Variants in HIVEP3 observed in about 807,000 individuals in gnomAD.
HIVEP3 encodes HIVEP zinc finger 3, also known as transcription factor HIVEP3.
A neutral mutation model predicts 152.8 loss-of-function variants in HIVEP3; 49 were observed. The observed-to-expected ratio is 0.32, with a 90% CI of 0.26 to 0.41. HIVEP3 has a LOEUF of 0.41. HIVEP3 is among the 10% of genes least tolerant of loss of function. HIVEP3 has a pLI of 1.00. For synonymous variants in HIVEP3, 1,269 were observed against 1,289.0 expected, an observed-to-expected ratio of 0.98 and a Z score of 0.33; for missense variants, 2,790 against 3,103.3, an observed-to-expected ratio of 0.90 and a Z score of 2.40.
chr1:41,695,675 C>T (rs528650531), intron 2 of HIVEP3, among the ~76,000 whole-genome samples: 24 of 152,288 alleles, frequency 1.6e-4, no homozygotes, highest in African/African-American at 5.3e-4. Flanking sequence ...CAGGTGAGGG[C>T]ATATGGGCTT....
At position 41,664,727 on chromosome 1, in the gene HIVEP3, GGGGGCTGGGATGAA is replaced by G. The variant is rs1645767836; in HGVS notation, c.-720-35794_-720-35781del. Among the ~76,000 whole-genome samples the G allele has an allele frequency of 6.6e-6, 1 of 152,196 alleles. No individual in the cohort carries two copies. Among genetic ancestry groups the G allele is most frequent in the Non-Finnish European group, 1.5e-5 (1 of 68,028 alleles). On this transcript the variant is annotated intron_variant, in intron 2 of 8. Transcript: ENST00000372583. This position sits in a 1 kb window ranked among gnomAD's most constrained non-coding sequence, Gnocchi z 4.4. ...GGCTGATGTCCTAGGGTCCCTGGCT[GGGGGCTGGGATGAA>G]AGGCGGGGTTCTCAGCTAGACTGGC...
intron 2 of HIVEP3, among the ~76,000 whole-genome samples, chr1:41,660,086 G>T (rs1310943440): frequency 6.6e-6 from 1 of 152,204 alleles, no homozygotes; most frequent in African/African-American, 2.4e-5. Flanking sequence ...GAACAGGATG[G>T]CATGTGTGAG....
At chr1:41,655,994 G>A (rs1264659804) in intron 2 of HIVEP3, among the ~76,000 whole-genome samples, 1 of 152,176 alleles carries the variant, frequency 6.6e-6, no homozygotes, top group African/African-American at 2.4e-5. Context: ...TGGTAAGCAG[G>A]TGGCTCAGAG....
In HIVEP3 at chr1:41,511,561, G is replaced by T. The variant is rs939084537; in HGVS notation, c.6406-295C>A. Reference sequence around the variant, plus strand: ...TCAAAGGAGGGGATACTTGAGCGACGTGGGGCCCTGTTGTCACCCATGAGC... The same window carrying T: ...TCAAAGGAGGGGATACTTGAGCGACTTGGGGCCCTGTTGTCACCCATGAGC... On this transcript the variant is annotated intron_variant, in intron 8 of 8. Transcript: ENST00000372583. The surrounding 1 kb of genome is among the most constrained non-coding windows in gnomAD (Gnocchi z 4.9). 1.3e-5 allele frequency among the ~76,000 whole-genome samples: 2 copies of T among 152,148 alleles called. No homozygotes were observed. The highest frequency in any genetic ancestry group is 4.8e-5 in the African/African-American group (2 of 41,430).
chr1:41,843,504 A>T (rs995087996), intron 1 of HIVEP3, among the ~76,000 whole-genome samples: 2 of 152,132 alleles, frequency 1.3e-5, no homozygotes, highest in African/African-American at 4.8e-5. Context: ...TCCAGTAAAG[A>T]ATGTGAAACC....
chr1:41,606,683 T>C (rs1027939133), intron 3 of HIVEP3, among the ~76,000 whole-genome samples: 1 of 151,912 alleles, frequency 6.6e-6, no homozygotes, highest in African/African-American at 2.4e-5. Flanking sequence ...TTCCAGAAAA[T>C]ATAGGTGACT....
At chr1:41,954,718 C>A (rs563659274) in intron 1 of HIVEP3, among the ~76,000 whole-genome samples, 1 of 152,342 alleles carries the variant, frequency 6.6e-6, no homozygotes, top group East Asian at 1.9e-4. Flanking sequence ...GTCAGTCAGG[C>A]CAGGGTCTGA....
Position 41,624,315 on chromosome 1 carries a change from C to T in HIVEP3, c.-522+4434G>A, listed in dbSNP as rs1051646794. Among the ~76,000 whole-genome samples the T allele has an allele frequency of 3.9e-5, 6 of 152,198 alleles. No homozygotes were observed. The East Asian group carries it at 5.8e-4, about 15-fold the overall frequency. On this transcript the variant is annotated intron_variant, in intron 3 of 8. Coordinates refer to ENST00000372583, the MANE Select transcript of HIVEP3 (RefSeq NM_024503.5). ...TTTCAGAGGCTCTCCAAATGTTCCA[C>T]GAGCATGTTATTCTAAAAGTACAGT... is the stretch of plus-strand genomic sequence containing the variant.
chr1:41,722,431 T>TC (rs2124170388), intron 1 of HIVEP3, among the ~76,000 whole-genome samples: 1 of 147,960 alleles, frequency 6.8e-6, no homozygotes, highest in Non-Finnish European at 1.5e-5. Flanking sequence ...CTTCCTTCCT[T>TC]CCTTCCTTCC....
chr1:42,025,634 A>G (rs1645577775), intron 1 of HIVEP3, among the ~76,000 whole-genome samples: 1 of 152,218 alleles, frequency 6.6e-6, no homozygotes, highest in Non-Finnish European at 1.5e-5. Context: ...CCTCCTCCGG[A>G]GATTCATCTT....
At chr1:41,667,625 C>T (rs1043986813) in intron 2 of HIVEP3, among the ~76,000 whole-genome samples, 3 of 152,206 alleles carry the variant, frequency 2.0e-5, no homozygotes, top group Non-Finnish European at 4.4e-5. Flanking sequence ...AAGGGAGGTG[C>T]ATAAGTACAG....
chr1:41,783,229 C>G (rs909524173), intron 1 of HIVEP3, among the ~76,000 whole-genome samples: 1 of 151,976 alleles, frequency 6.6e-6, no homozygotes, highest in East Asian at 1.9e-4. Flanking sequence ...AGATTGTTGT[C>G]GGGTGTGGGT....
At chr1:41,891,413 T>C (rs1191521751) in intron 1 of HIVEP3, among the ~76,000 whole-genome samples, 2 of 152,234 alleles carry the variant, frequency 1.3e-5, no homozygotes. Context: ...TCCCCTTAAC[T>C]GTGCTTCCTG....
chr1:41,734,320 C>G (rs1327521913), intron 1 of HIVEP3, among the ~76,000 whole-genome samples: 1 of 152,236 alleles, frequency 6.6e-6, no homozygotes, highest in Non-Finnish European at 1.5e-5. Flanking sequence ...GAGCAGACAC[C>G]TTCTGCACAG....
At chr1:42,002,188 G>A (rs1385759807) in intron 1 of HIVEP3, among the ~76,000 whole-genome samples, 1 of 152,126 alleles carries the variant, frequency 6.6e-6, no homozygotes, top group Non-Finnish European at 1.5e-5. Context: ...CTGACGCAGA[G>A]GACATCATAC....
intron 1 of HIVEP3, among the ~76,000 whole-genome samples, chr1:41,941,239 G>A (rs573716213): frequency 6.6e-6 from 1 of 152,302 alleles, no homozygotes; most frequent in South Asian, 2.1e-4. Context: ...AAGCAGTCAA[G>A]GAAGAGGTGG....
chr1:41,713,166 C>T (rs1381520230), intron 1 of HIVEP3, among the ~76,000 whole-genome samples: 1 of 152,212 alleles, frequency 6.6e-6, no homozygotes, highest in East Asian at 1.9e-4. Context: ...TAGGCACGGA[C>T]ACCTTCCCCT....
At chr1:41,643,915 C>T (rs1645418969) in intron 2 of HIVEP3, among the ~76,000 whole-genome samples, 1 of 40,750 alleles carries the variant, frequency 2.5e-5, no homozygotes. Flanking sequence ...TTGACAGGGT[C>T]TGGCTCTGTT....
At position 41,579,759 on chromosome 1, in the gene HIVEP3, G is replaced by A; in HGVS notation, c.5039C>T (p.Ser1680Phe). 2.5e-6 allele frequency: 4 copies of A among 1,588,916 alleles called. No individual in the cohort carries two copies. The highest frequency in any genetic ancestry group is 2.6e-6 in the Non-Finnish European group (3 of 1,162,738). Residue 1680 changes from serine to phenylalanine, a missense_variant, in exon 4 of 9, where the codon TCC becomes TTC. Coordinates refer to ENST00000372583, the MANE Select transcript of HIVEP3 (RefSeq NM_024503.5). ...PEAGRLVPSS[S>F]RKPRMTEVHL... The stretch of plus-strand genomic sequence containing the variant: ...TACCTCTGTCATGCGGGGCTTGCGG[G>A]AGCTGGATGGCACAAGCCTTCCTGC...
Sources: allele counts gnomAD v4.1 joint callset (sites outside exome capture counted in the v4.1 genomes callset), GRCh38; gene constraint gnomAD v4.1.1; non-coding constraint Gnocchi (gnomAD v3.1); transcripts MANE v1.5; gene names NCBI Gene and HGNC (gene_info 2026-07-23, HGNC 2026-07-21).